The following CD99 variants were observed in gnomAD, a reference collection of about 807,000 sequenced individuals.
CD99 encodes the protein CD99 antigen.
In CD99, 19 loss-of-function variants were observed where a neutral mutation model predicts 28.4. That is an observed-to-expected ratio of 0.67 (90% CI 0.47 to 0.98). The LOEUF is 0.98. Among genes scored for constraint, CD99 ranks in the 50% least tolerant of loss-of-function variants. CD99 has a pLI of 0.00. For missense variants in CD99, 283 were observed against 248.8 expected, an observed-to-expected ratio of 1.14 and a Z score of -0.92; for synonymous variants, 103 against 92.1, an observed-to-expected ratio of 1.12 and a Z score of -0.67.
At chrX:2,707,817 T>C (rs748083145) in intron 1 of CD99, among the ~76,000 whole-genome samples, 2 of 152,246 alleles carry the variant, frequency 1.3e-5, no homozygotes, top group East Asian at 3.9e-4. Context: ...TGGGTGGGTT[T>C]TGTTGGTGTT....
intron 8 of CD99, among the ~76,000 whole-genome samples, chrX:2,731,409 G>A (rs2049598253): frequency 1.3e-5 from 2 of 152,176 alleles, no homozygotes; most frequent in African/African-American, 2.4e-5. Context: ...GGCCAACATG[G>A]TGAAACCCTG....
chrX:2,706,951 A>G (rs1446311337), intron 1 of CD99, among the ~76,000 whole-genome samples: 2 of 151,732 alleles, frequency 1.3e-5, no homozygotes, highest in Non-Finnish European at 2.9e-5. Context: ...CTCCCAAGTA[A>G]CTGGGACTAC....
intron 8 of CD99, chrX:2,733,452 C>A: frequency 6.9e-7 from 1 of 1,451,012 alleles, no homozygotes; most frequent in East Asian, 2.5e-5. Context: ...AGCCTTAAAG[C>A]AAACCCTTCC....
chrX:2,711,106 C>T (rs768099710), intron 1 of CD99, among the ~76,000 whole-genome samples: 25 of 150,444 alleles, frequency 1.7e-4, no homozygotes, highest in African/African-American at 5.8e-4. Context: ...CTCCTGACCT[C>T]GTGATCCTCT....
In CD99 at chrX:2,726,393, T is replaced by C; in HGVS notation, c.475+20T>C. 7.0e-7 allele frequency: 1 copy of C among 1,436,508 alleles called. No homozygotes were observed. Among genetic ancestry groups the C allele is most frequent in the Non-Finnish European group, 9.8e-7 (1 of 1,018,974 alleles). 89.0% of individuals were successfully genotyped at this position (1,436,508 alleles called of 1,614,324 possible). On this transcript the variant is annotated intron_variant, in intron 8 of 9. Coordinates refer to ENST00000381192, the MANE Select transcript of CD99 (RefSeq NM_002414.5). ...AAAATGGTAAGTCTCAGTCCGCCGG[T>C]GCCTCTCCTTCATGCCTTGCTGATT... is the stretch of plus-strand genomic sequence containing the variant.
chrX:2,726,826 T>TCAG (rs56840357), intron 8 of CD99, among the ~76,000 whole-genome samples: 25,719 of 151,848 alleles, frequency 0.17, 4,972 homozygotes, highest in African/African-American at 0.48. Context: ...CTTTCTCCAC[T>TCAG]GAGAGTTAAG....
chrX:2,711,489 CAA>C (rs1254684673), intron 1 of CD99, among the ~76,000 whole-genome samples: 3 of 150,996 alleles, frequency 2.0e-5, no homozygotes, highest in Non-Finnish European at 4.4e-5. Context: ...ATCAGTATGT[CAA>C]AGAGACACTC....
intron 1 of CD99, among the ~76,000 whole-genome samples, chrX:2,708,576 G>GT (rs1215976051): frequency 6.6e-6 from 1 of 152,124 alleles, no homozygotes; most frequent in African/African-American, 2.4e-5. Context: ...CATTGAAATT[G>GT]TTTCAATTAA....
rs200715754 is a variant in CD99 at position 2,707,462 on chromosome X, AC to A, written c.68-6956del. Among the ~76,000 whole-genome samples the A allele has an allele frequency of 9.9e-3, 1,505 of 152,298 alleles. 28 individuals carry two copies. Among genetic ancestry groups the A allele is most frequent in the African/African-American group, 0.035 (1,438 of 41,566 alleles). On this transcript the variant is annotated intron_variant, in intron 1 of 9. Coordinates refer to ENST00000381192, the MANE Select transcript of CD99 (RefSeq NM_002414.5). ...AGTCACGTTGCAGAGGAACTCACAC[AC>A]CCCATGTGGCCTCGGGGACTTCACT...
chrX:2,700,503 C>T (rs2047795859), intron 1 of CD99, among the ~76,000 whole-genome samples: 1 of 151,236 alleles, frequency 6.6e-6, no homozygotes, highest in African/African-American at 2.4e-5. Context: ...CATTCATTTA[C>T]CCATCCATCC....
At chrX:2,723,265 T>C in intron 6 of CD99, 49 bp from the exon 7 acceptor site, 1 of 1,605,540 alleles carries the variant, frequency 6.2e-7, no homozygotes, top group Non-Finnish European at 8.5e-7. Context: ...CTGTGAATTT[T>C]TCCTTGACCC....
intron 8 of CD99, among the ~76,000 whole-genome samples, chrX:2,726,909 C>G (rs1364544193): frequency 3.9e-5 from 6 of 152,150 alleles, no homozygotes; most frequent in African/African-American, 1.4e-4. Flanking sequence ...CCGAGACGGG[C>G]GGATCACGAG....
At chrX:2,723,085 G>A (rs2049079936) in intron 6 of CD99, among the ~76,000 whole-genome samples, 1 of 152,174 alleles carries the variant, frequency 6.6e-6, no homozygotes, top group African/African-American at 2.4e-5. Flanking sequence ...TAATGCCTGG[G>A]AGTATGCGTT....
chrX:2,708,129 C>T (rs753982415), intron 1 of CD99, among the ~76,000 whole-genome samples: 1 of 144,248 alleles, frequency 6.9e-6, no homozygotes, highest in East Asian at 1.9e-4. Context: ...CTTCCTCACA[C>T]ACACCTGGGG....
chrX:2,701,766 G>A (rs948772631), intron 1 of CD99, among the ~76,000 whole-genome samples: 2 of 152,240 alleles, frequency 1.3e-5, no homozygotes, highest in Non-Finnish European at 2.9e-5. Context: ...CGCTTAACCT[G>A]CCTAAGGCCC....
intron 1 of CD99, among the ~76,000 whole-genome samples, chrX:2,706,228 T>C (rs1030592676): frequency 1.3e-5 from 2 of 151,856 alleles, no homozygotes; most frequent in Non-Finnish European, 2.9e-5. Flanking sequence ...GGCGTGGTGG[T>C]GGGCACCTGT....
intron 8 of CD99, among the ~76,000 whole-genome samples, chrX:2,736,245 G>T (rs1233867519): frequency 1.3e-5 from 2 of 151,292 alleles, no homozygotes; most frequent in Non-Finnish European, 2.9e-5. Context: ...TTACGCTGCT[G>T]CACCATACAA....
chrX:2,736,248 C>T (rs948756730), intron 8 of CD99, among the ~76,000 whole-genome samples: 40 of 151,204 alleles, frequency 2.6e-4, no homozygotes, highest in African/African-American at 9.5e-4. Flanking sequence ...CGCTGCTGCA[C>T]CATACAAACG....
intron 4 of CD99, 66 bp from the exon 5 acceptor site, chrX:2,720,289 TA>T: frequency 7.1e-7 from 1 of 1,416,724 alleles, no homozygotes; most frequent in Non-Finnish European, 1.0e-6. Flanking sequence ...CATCTGTGTG[TA>T]AACTGATGTT....
Sources: allele counts gnomAD v4.1 joint callset (sites outside exome capture counted in the v4.1 genomes callset), GRCh38; gene constraint gnomAD v4.1.1; transcripts MANE v1.5; gene names NCBI Gene and HGNC (gene_info 2026-07-23, HGNC 2026-07-21).